POLR1B: variants seen among roughly 807,000 people sequenced by gnomAD.
POLR1B encodes the protein RNA polymerase I subunit B, also known as DNA-directed RNA polymerase I subunit RPA2.
In POLR1B, 30 loss-of-function variants were observed where a neutral mutation model predicts 105.8. The observed-to-expected ratio is 0.28, with a 90% CI of 0.21 to 0.38. The LOEUF (loss-of-function observed/expected upper bound fraction) is 0.38. Ranked by LOEUF, POLR1B falls within the 10% of genes least tolerant of loss-of-function variation. POLR1B has a pLI of 1.00. For missense variants in POLR1B, 976 were observed against 1,435.8 expected, an observed-to-expected ratio of 0.68 and a Z score of 5.17; for synonymous variants, 485 against 505.1, an observed-to-expected ratio of 0.96 and a Z score of 0.53.
At chr2:112,564,214 G>T (rs958408734) in intron 9 of POLR1B, 152 bp from the exon 10 acceptor site, 1 of 831,310 alleles carries the variant, frequency 1.2e-6, no homozygotes, top group Non-Finnish European at 1.8e-6. Flanking sequence ...TATCTGAAGT[G>T]CAGTTAAAAG....
intron 12 of POLR1B, among the ~76,000 whole-genome samples, chr2:112,569,261 C>G (rs1165095542): frequency 6.6e-6 from 1 of 152,198 alleles, no homozygotes; most frequent in East Asian, 1.9e-4. Flanking sequence ...TTTATCACTT[C>G]CAGTCCTCTT....
At chr2:112,573,497 C>T in intron 13 of POLR1B, 65 bp from the exon 14 acceptor site, 1 of 1,536,758 alleles carries the variant, frequency 6.5e-7, no homozygotes, top group East Asian at 2.3e-5. Context: ...ATGATAGTCC[C>T]ACCTAGTTTT....
chr2:112,564,585 G>A, intron 10 of POLR1B, 86 bp downstream of exon 10: 7 of 1,553,166 alleles, frequency 4.5e-6, no homozygotes, highest in Non-Finnish European at 6.2e-6. Flanking sequence ...CCCCTGGGCG[G>A]TCTAGAGTGA....
At chr2:112,542,123 C>T, upstream of POLR1B, 2 of 1,535,726 alleles carry the variant, frequency 1.3e-6, no homozygotes, top group Non-Finnish European at 8.7e-7. Flanking sequence ...GAGAAGACCG[C>T]TCTCCTCCGA....
rs745461866 is a variant in POLR1B at position 112,552,692 on chromosome 2, T to A, written c.1034T>A (p.Met345Lys). Residue 345 changes from methionine to lysine, a missense_variant, in exon 7 of 15, where the codon ATG becomes AAG. Met to Lys is a moderately conservative substitution (Grantham distance 95). Around this residue, in one of 12 missense-constraint regions of POLR1B, gnomAD observed 452 missense variants for 616.5 expected, o/e 0.73. Transcript: ENST00000263331. ...AAATCCAATACTGAAAAGTTTTATATGCTTTGTCTCATGACGCGAAAGCTC... is the reference window on the plus strand; with the variant it reads ...AAATCCAATACTGAAAAGTTTTATAAGCTTTGTCTCATGACGCGAAAGCTC... The part of the protein sequence containing the change: ...HLKSNTEKFY[M>K]LCLMTRKLFA... 6.2e-7 allele frequency: 1 copy of A among 1,610,886 alleles called. No individual in the cohort carries two copies. The highest frequency in any genetic ancestry group is 8.5e-7 in the Non-Finnish European group (1 of 1,178,658).
At position 112,558,917 on chromosome 2, in the gene POLR1B, C is replaced by CTT. The variant is rs34385497; in HGVS notation, c.1331-361_1331-360dup. 6.3e-3 allele frequency among the ~76,000 whole-genome samples: 899 copies of CTT among 141,588 alleles called. 7 individuals are homozygous for CTT. Among genetic ancestry groups the CTT allele is most frequent in the East Asian group, 0.016 (78 of 4,772 alleles). The allele number at this position is 141,588 out of a possible 152,430, so 92.9% of individuals were successfully genotyped here. ...TATAGCATGAACCACTGTGCCCCGC[C>CTT]TTTTTTTTTTTTTTTTAAACCCATG... On this transcript the variant is annotated intron_variant, in intron 8 of 14. Coordinates refer to ENST00000263331, the MANE Select transcript of POLR1B (RefSeq NM_019014.6).
chr2:112,554,730 G>GA (rs759453940), intron 7 of POLR1B, among the ~76,000 whole-genome samples: 3 of 151,756 alleles, frequency 2.0e-5, no homozygotes, highest in East Asian at 3.9e-4. Flanking sequence ...TCCTAATTAG[G>GA]AAAAAAAAGA....
At chr2:112,546,946 G>A in intron 1 of POLR1B, 66 bp from the exon 2 acceptor site, 1 of 1,508,562 alleles carries the variant, frequency 6.6e-7, no homozygotes, top group Non-Finnish European at 9.1e-7. Flanking sequence ...CATAAGATTT[G>A]GAAGAGTCTT....
rs1684840003 is a variant in POLR1B at position 112,575,919 on chromosome 2, TTC to T, written c.*192_*193del. ...GGTAGATTAACTATTGACAATGATT[TTC>T]TGTTATCTTTGTTCAAAAAGTTCAT... On this transcript the variant is annotated 3_prime_UTR_variant, in exon 15 of 15. Transcript: ENST00000263331. This position sits in a 1 kb window ranked among gnomAD's most constrained non-coding sequence, Gnocchi z 5.3. The T allele has an allele frequency of 1.2e-5, 7 of 582,170 alleles. No homozygotes were observed. The highest frequency in any genetic ancestry group is 1.1e-4 in the African/African-American group (6 of 53,332). The allele number at this position is 582,170 out of a possible 1,614,324, so 36.1% of individuals were successfully genotyped here.
At chr2:112,542,453 G>A, upstream of POLR1B, 3 of 1,607,972 alleles carry the variant, frequency 1.9e-6, no homozygotes, top group Non-Finnish European at 2.5e-6. Flanking sequence ...ACTGGCGTCC[G>A]GCGTGTACCG....
At chr2:112,565,549 T>TTTTTC (rs1056861158) in intron 10 of POLR1B, among the ~76,000 whole-genome samples, 11 of 152,120 alleles carry the variant, frequency 7.2e-5, no homozygotes. Context: ...TGCTCTCTTT[T>TTTTTC]TTTTCTTTTC....
At position 112,575,860 on chromosome 2, in the gene POLR1B, G is replaced by A. The variant is rs1684837961; in HGVS notation, c.*131G>A. The A allele has an allele frequency of 2.1e-6, 2 of 931,518 alleles. No homozygotes were observed. Among genetic ancestry groups the A allele is most frequent in the African/African-American group, 1.7e-5 (1 of 60,170 alleles). 57.7% of individuals were successfully genotyped at this position (931,518 alleles called of 1,614,324 possible). On this transcript the variant is annotated 3_prime_UTR_variant, in exon 15 of 15. Transcript: ENST00000263331. This position sits in a 1 kb window ranked among gnomAD's most constrained non-coding sequence, Gnocchi z 5.3. ...GTGTTAGAACTCTCAACCAAGACCT[G>A]AAAACCAAGTATGCAAGGTTTCTGA...
At chr2:112,564,283 C>A in intron 9 of POLR1B, 83 bp from the exon 10 acceptor site, 1 of 1,501,842 alleles carries the variant, frequency 6.7e-7, no homozygotes, top group Non-Finnish European at 9.1e-7. Flanking sequence ...ACTGATACAG[C>A]AGCTGTTGAC....
rs1683394287 is a variant in POLR1B, at chr2:112,551,945, A to G, written c.933A>G (p.Lys311=). 6.2e-7 allele frequency: 1 copy of G among 1,613,998 alleles called. No homozygotes were observed. Among genetic ancestry groups the G allele is most frequent in the Non-Finnish European group, 8.5e-7 (1 of 1,180,022 alleles). ...ACCTAGGTGAATGCTTCAGAGTAAA[A>G]CTCAATGTTCCTGACTGGTACCCAA... The part of the protein sequence containing the change: ...LNYLGECFRV[K]LNVPDWYPNE... The change falls in exon 6 of 15, where the codon AAA becomes AAG. Residue 311 remains lysine, a synonymous_variant. Transcript: ENST00000263331.
At position 112,559,542 on chromosome 2, in the gene POLR1B, C is replaced by T. The variant is rs769295882; in HGVS notation, c.1580C>T (p.Thr527Met). 1.2e-5 allele frequency: 19 copies of T among 1,614,092 alleles called. No individual in the cohort carries two copies. The highest frequency in any genetic ancestry group is 6.7e-5 in the East Asian group (3 of 44,902). The change falls in exon 9 of 15, where the codon ACG (threonine) becomes ATG (methionine). Residue 527 changes from threonine to methionine, a missense_variant. Thr to Met is a moderately conservative substitution (Grantham distance 81, BLOSUM62 -1). This residue lies in a region of POLR1B where 184 missense variants were observed against 197.4 expected (regional missense o/e 0.93). Coordinates refer to ENST00000263331, the MANE Select transcript of POLR1B (RefSeq NM_019014.6). ...GAGGTTGTCACACAGTTTGTGTATACGGCATCTATTCCAGCTTTACTGTGC... is the reference window on the plus strand; with the variant it reads ...GAGGTTGTCACACAGTTTGTGTATATGGCATCTATTCCAGCTTTACTGTGC... ...VCEVVTQFVY[T>M]ASIPALLCNL...
chr2:112,542,460 ACCGAGAGACTGG>A, exon 1 of POLR1B: 1 of 1,610,114 alleles, frequency 6.2e-7, no homozygotes, highest in South Asian at 1.1e-5. Flanking sequence ...TCCGGCGTGT[ACCGAGAGACTGG>A]CGTCCGGTGT....
intron 13 of POLR1B, among the ~76,000 whole-genome samples, chr2:112,573,243 C>T (rs143259611): frequency 7.7e-4 from 118 of 152,308 alleles, no homozygotes; most frequent in African/African-American, 2.6e-3. Context: ...GCTGGGACTA[C>T]AGGCACCCAT....
chr2:112,563,093 C>T, intron 9 of POLR1B, among the ~76,000 whole-genome samples: 1 of 126,734 alleles, frequency 7.9e-6, no homozygotes, highest in Non-Finnish European at 1.7e-5. Flanking sequence ...CTTGCTCTGT[C>T]ACCCAGGCTG....
intron 13 of POLR1B, 94 bp downstream of exon 13, chr2:112,572,852 A>C: frequency 1.8e-6 from 2 of 1,117,748 alleles, no homozygotes; most frequent in South Asian, 3.4e-5. Flanking sequence ...TGTGTACCCA[A>C]GTACCTAGTA....
Sources: allele counts gnomAD v4.1 joint callset (sites outside exome capture counted in the v4.1 genomes callset), GRCh38; gene constraint gnomAD v4.1.1; regional missense constraint gnomAD v4.1.1; non-coding constraint Gnocchi (gnomAD v3.1); transcripts MANE v1.5; gene names NCBI Gene and HGNC (gene_info 2026-07-23, HGNC 2026-07-21).